MYO5B: variants seen among roughly 807,000 people sequenced by gnomAD.
The protein encoded by MYO5B is myosin VB.
Under a neutral mutation model 229.3 loss-of-function variants are expected in MYO5B, and 143 were observed. The observed-to-expected ratio is 0.62, with a 90% CI of 0.54 to 0.72. The LOEUF (loss-of-function observed/expected upper bound fraction) is 0.72. MYO5B is among the 30% of genes least tolerant of loss of function. The pLI, the probability that MYO5B is intolerant of heterozygous loss-of-function variation, is 0.00. For missense variants in MYO5B, 2,321 were observed against 2,331.0 expected, an observed-to-expected ratio of 1.00 and a Z score of 0.09; for synonymous variants, 918 against 885.2, an observed-to-expected ratio of 1.04 and a Z score of -0.66.
chr18:50,120,615 G>A (rs751095120), intron 1 of MYO5B, among the ~76,000 whole-genome samples: 20 of 152,154 alleles, frequency 1.3e-4, no homozygotes, highest in African/African-American at 2.2e-4. Context: ...GCAATCCAGG[G>A]TCCCAGCCTG....
chr18:50,031,578 T>C (rs2026390499), intron 4 of MYO5B, among the ~76,000 whole-genome samples: 1 of 152,164 alleles, frequency 6.6e-6, no homozygotes, highest in Non-Finnish European at 1.5e-5. Context: ...CACTTTATAA[T>C]TCCCTGCCTT....
chr18:50,127,991 T>G (rs1419936553), intron 1 of MYO5B, among the ~76,000 whole-genome samples: 1 of 152,240 alleles, frequency 6.6e-6, no homozygotes, highest in Non-Finnish European at 1.5e-5. Context: ...TGCTGGCTTT[T>G]GGAACTTACA....
intron 2 of MYO5B, among the ~76,000 whole-genome samples, chr18:50,040,777 A>G (rs2029991397): frequency 6.6e-6 from 1 of 152,188 alleles, no homozygotes; most frequent in African/African-American, 2.4e-5. Flanking sequence ...CCATTTGTGC[A>G]TATATTTCTC....
chr18:49,959,448 C>T (rs2025532283), intron 12 of MYO5B, among the ~76,000 whole-genome samples: 1 of 152,244 alleles, frequency 6.6e-6, no homozygotes, highest in Non-Finnish European at 1.5e-5. Flanking sequence ...CCACAATCCC[C>T]TGATCTGAAT....
intron 27 of MYO5B, among the ~76,000 whole-genome samples, chr18:49,868,812 G>A (rs1210385285): frequency 6.6e-6 from 1 of 152,196 alleles, no homozygotes; most frequent in African/African-American, 2.4e-5. Flanking sequence ...GACTGGCCCT[G>A]AGAACCCTTC....
intron 1 of MYO5B, among the ~76,000 whole-genome samples, chr18:50,081,233 T>C (rs2031212608): frequency 6.6e-6 from 1 of 152,162 alleles, no homozygotes; most frequent in Non-Finnish European, 1.5e-5. Flanking sequence ...CAGAATGAAT[T>C]ATCTCCTAAA....
intron 18 of MYO5B, among the ~76,000 whole-genome samples, chr18:49,910,263 C>T (rs577499823): frequency 1.5e-4 from 23 of 152,184 alleles, no homozygotes; most frequent in African/African-American, 4.8e-4. Context: ...CAGTCTGATC[C>T]GGGTCCCCTC....
At chr18:49,991,491 C>T (rs942758879) in intron 6 of MYO5B, among the ~76,000 whole-genome samples, 1 of 152,110 alleles carries the variant, frequency 6.6e-6, no homozygotes. Context: ...GCACCAAGCC[C>T]ACTAAAGTCA....
At chr18:50,068,023 A>C (rs1412141428) in intron 1 of MYO5B, among the ~76,000 whole-genome samples, 2 of 124,044 alleles carry the variant, frequency 1.6e-5, no homozygotes, top group East Asian at 4.8e-4. Context: ...ACACGTACAT[A>C]CATATATATA....
Position 49,830,247 on chromosome 18 carries a change from C to T in MYO5B, c.5395-3624G>A, listed in dbSNP as rs189348538. On this transcript the variant is annotated intron_variant, in intron 39 of 39. Coordinates refer to ENST00000285039, the MANE Select transcript of MYO5B (RefSeq NM_001080467.3). ...CATAAAAATCAGTTGTATTTCTATT[C>T]ACTAGTAATGAATAATCAGAAAGAA... 4.5e-4 allele frequency among the ~76,000 whole-genome samples: 68 copies of T among 151,994 alleles called. 2 individuals are homozygous for T. Among genetic ancestry groups the T allele is most frequent in the Admixed American group, 3.3e-3 (51 of 15,262 alleles).
At chr18:50,157,576 T>C (rs1045455805) in intron 1 of MYO5B, among the ~76,000 whole-genome samples, 6 of 152,186 alleles carry the variant, frequency 3.9e-5, no homozygotes, top group Admixed American at 6.5e-5. Flanking sequence ...TCCAGCCACA[T>C]TTCTCTTCTC....
intron 30 of MYO5B, among the ~76,000 whole-genome samples, chr18:49,855,429 G>T (rs1003461060): frequency 6.6e-6 from 1 of 152,154 alleles, no homozygotes; most frequent in Non-Finnish European, 1.5e-5. Flanking sequence ...TTCAGTTGCC[G>T]ATTCATGAAA....
intron 4 of MYO5B, among the ~76,000 whole-genome samples, chr18:50,017,241 C>T (rs2026225526): frequency 6.6e-6 from 1 of 152,188 alleles, no homozygotes; most frequent in African/African-American, 2.4e-5. Context: ...CCTCAGCCTC[C>T]CGAGTGGCTG....
chr18:50,017,818 T>C (rs2026231840), intron 4 of MYO5B, among the ~76,000 whole-genome samples: 1 of 152,248 alleles, frequency 6.6e-6, no homozygotes, highest in Non-Finnish European at 1.5e-5. Flanking sequence ...TAAGCTGTGA[T>C]ACCATGTAAT....
At chr18:50,122,968 C>T (rs2032094873) in intron 1 of MYO5B, among the ~76,000 whole-genome samples, 1 of 152,152 alleles carries the variant, frequency 6.6e-6, no homozygotes, top group South Asian at 2.1e-4. Context: ...CCACTGCATG[C>T]TATATACCCA....
chr18:49,855,832 C>A (rs1440851099), intron 30 of MYO5B, among the ~76,000 whole-genome samples: 1 of 152,244 alleles, frequency 6.6e-6, no homozygotes, highest in Non-Finnish European at 1.5e-5. Flanking sequence ...TCTACTACAT[C>A]CTCAGCAGGC....
intron 1 of MYO5B, chr18:50,064,282 T>C (rs1315998838): frequency 6.6e-6 from 1 of 152,632 alleles, no homozygotes; most frequent in Admixed American, 6.5e-5. Flanking sequence ...TAAAAAGGGA[T>C]GTGTCCACAG....
At chr18:49,902,948 T>C in intron 20 of MYO5B, 115 bp from the exon 21 acceptor site, 1 of 1,335,568 alleles carries the variant, frequency 7.5e-7, no homozygotes, top group Non-Finnish European at 1.0e-6. Context: ...GTTCTAGGAG[T>C]TACACAGACA....
At chr18:50,149,877 C>A (rs1224320682) in intron 1 of MYO5B, among the ~76,000 whole-genome samples, 2 of 149,164 alleles carry the variant, frequency 1.3e-5, no homozygotes, top group African/African-American at 4.9e-5. Flanking sequence ...AAAGAAACTA[C>A]CATCAGAGTG....
Sources: gnomAD v4.1 joint callset for allele counts (sites outside exome capture counted in the v4.1 genomes callset) on GRCh38, gnomAD v4.1.1 for gene constraint, MANE v1.5 for transcripts, NCBI Gene and HGNC (gene_info 2026-07-23, HGNC 2026-07-21) for gene names.